IGF1R: variants seen among roughly 807,000 people sequenced by gnomAD.
IGF1R encodes the protein insulin like growth factor 1 receptor.
Under a neutral mutation model 144.6 loss-of-function variants are expected in IGF1R, and 44 were observed. That is an observed-to-expected ratio of 0.30 (90% confidence interval 0.24 to 0.39). IGF1R has a LOEUF of 0.39. Ranked by LOEUF, IGF1R falls within the 10% of genes least tolerant of loss-of-function variation. The pLI is 1.00. For missense variants in IGF1R, 1,355 were observed against 1,833.7 expected, an observed-to-expected ratio of 0.74 and a Z score of 4.77; for synonymous variants, 795 against 722.8, an observed-to-expected ratio of 1.10 and a Z score of -1.60.
chr15:98,899,930 G>A (rs1319155415), intron 5 of IGF1R, among the ~76,000 whole-genome samples: 2 of 152,180 alleles, frequency 1.3e-5, no homozygotes, highest in Non-Finnish European at 2.9e-5. Flanking sequence ...TTTCTGCCAA[G>A]AATGACAGCA....
At chr15:98,772,835 C>T (rs1034683335) in intron 2 of IGF1R, among the ~76,000 whole-genome samples, 2 of 151,668 alleles carry the variant, frequency 1.3e-5, no homozygotes, top group East Asian at 3.9e-4. Flanking sequence ...GATGATATTA[C>T]GATGTTTGTT....
At chr15:98,953,335 G>C (rs750763560) in intron 20 of IGF1R, among the ~76,000 whole-genome samples, 7 of 152,222 alleles carry the variant, frequency 4.6e-5, no homozygotes, top group Non-Finnish European at 7.3e-5. Context: ...CCATGACTCA[G>C]TGTGAATTAA....
At chr15:98,899,396 C>G in intron 4 of IGF1R, 81 bp from the exon 5 acceptor site, 1 of 1,450,246 alleles carries the variant, frequency 6.9e-7, no homozygotes, top group Non-Finnish European at 9.7e-7. Context: ...TTGAATTGTT[C>G]TCACTTGTGT....
Position 98,963,507 on chromosome 15 carries a change from T to C in IGF1R, c.*6065T>C, listed in dbSNP as rs2017308070. 1 of 233,196 alleles carries C rather than the reference T, an allele frequency of 4.3e-6. No individual in the cohort carries two copies. Among genetic ancestry groups the C allele is most frequent in the South Asian group, 1.8e-4 (1 of 5,520 alleles). The allele number at this position is 233,196 out of a possible 1,614,324, so 14.4% of individuals were successfully genotyped here. On this transcript the variant is annotated 3_prime_UTR_variant, in exon 21 of 21. Transcript: ENST00000650285. ...TCATTGGCCATGGAAACAGCCGAGG[T>C]GTTGGAGCCCAGCAGTGCATGGCAC...
intron 2 of IGF1R, among the ~76,000 whole-genome samples, chr15:98,762,315 G>A (rs1344081716): frequency 6.9e-6 from 1 of 145,918 alleles, no homozygotes; most frequent in Non-Finnish European, 1.5e-5. Context: ...ATAGCCCATC[G>A]CAGCCTCAAA....
chr15:98,827,727 C>A (rs139024477), intron 2 of IGF1R, among the ~76,000 whole-genome samples: 4 of 152,114 alleles, frequency 2.6e-5, no homozygotes, highest in African/African-American at 9.7e-5. Context: ...GGATTACATG[C>A]GCACGCCACC....
intron 5 of IGF1R, among the ~76,000 whole-genome samples, chr15:98,906,722 T>G (rs2151667266): frequency 6.6e-6 from 1 of 152,356 alleles, no homozygotes; most frequent in African/African-American, 2.4e-5. Flanking sequence ...AGGATAGCTG[T>G]GTGTTCAGGA....
chr15:98,675,743 G>A (rs563066713), intron 1 of IGF1R, among the ~76,000 whole-genome samples: 1 of 150,902 alleles, frequency 6.6e-6, no homozygotes, highest in Non-Finnish European at 1.5e-5. Context: ...TCCTGTTGAC[G>A]ATTTAGTTTC....
chr15:98,669,779 C>G (rs542909020), intron 1 of IGF1R, among the ~76,000 whole-genome samples: 2 of 152,318 alleles, frequency 1.3e-5, no homozygotes, highest in Non-Finnish European at 2.9e-5. Context: ...CTTCCCGTGC[C>G]GAACCTGGCC....
intron 2 of IGF1R, 110 bp downstream of exon 2, chr15:98,708,217 G>A (rs925529306): frequency 9.3e-5 from 91 of 974,006 alleles, no homozygotes; most frequent in African/African-American, 8.9e-4. Flanking sequence ...GGGTGCAGTC[G>A]TGTTGCATTT....
In IGF1R at chr15:98,867,021, G is replaced by T. The variant is rs548025013; in HGVS notation, c.641-24304G>T. Among the ~76,000 whole-genome samples, 8 of 152,144 alleles carry T rather than the reference G, an allele frequency of 5.3e-5. 1 individual carries two copies. In the South Asian group the frequency reaches 1.5e-3, roughly 28 times the overall value. On this transcript the variant is annotated intron_variant, in intron 2 of 20. Coordinates refer to ENST00000650285, the MANE Select transcript of IGF1R (RefSeq NM_000875.5). ...GAGCAGTGAAGCTGTTCTTCAGCCC[G>T]CCTCTCCATTTGTGACTGGAAGACA... is the stretch of plus-strand genomic sequence containing the variant.
intron 2 of IGF1R, among the ~76,000 whole-genome samples, chr15:98,777,923 G>A (rs1231084255): frequency 6.6e-6 from 1 of 152,212 alleles, no homozygotes; most frequent in East Asian, 1.9e-4. Context: ...GGAAGTAGGG[G>A]AGAAGAAAGT....
At chr15:98,667,382 G>T (rs186885693) in intron 1 of IGF1R, among the ~76,000 whole-genome samples, 27 of 152,234 alleles carry the variant, frequency 1.8e-4, no homozygotes, top group African/African-American at 5.5e-4. Flanking sequence ...CATTACAGAG[G>T]GGGGAGCCCT....
chr15:98,724,184 G>T (rs2054308530), intron 2 of IGF1R, among the ~76,000 whole-genome samples: 1 of 152,138 alleles, frequency 6.6e-6, no homozygotes, highest in Admixed American at 6.5e-5. Context: ...TTTTTCTATT[G>T]TGTGCCACCC....
intron 2 of IGF1R, among the ~76,000 whole-genome samples, chr15:98,861,555 A>C (rs2012160004): frequency 6.6e-6 from 1 of 152,214 alleles, no homozygotes; most frequent in Non-Finnish European, 1.5e-5. Flanking sequence ...CAGCCTTTGC[A>C]AGCAAAACTT....
chr15:98,731,435 G>C (rs570114619), intron 2 of IGF1R, among the ~76,000 whole-genome samples: 1 of 152,130 alleles, frequency 6.6e-6, no homozygotes, highest in Non-Finnish European at 1.5e-5. Flanking sequence ...ATATGACTTT[G>C]GTTCATTCTC....
rs556282869 is a variant in IGF1R, at chr15:98,655,974, CG to C, written c.94+6300del. On this transcript the variant is annotated intron_variant, in intron 1 of 20. Transcript: ENST00000650285. Reference sequence around the variant, plus strand: ...TCCCGGAGGGCTGGGATCACAGGTGCGAGCCACCGCCCCCAGCCTACAAGAA... The same window carrying C: ...TCCCGGAGGGCTGGGATCACAGGTGCAGCCACCGCCCCCAGCCTACAAGAA... Among the ~76,000 whole-genome samples, 524 of 152,314 alleles carry C rather than the reference CG, an allele frequency of 3.4e-3. 6 individuals are homozygous for C. Among genetic ancestry groups the C allele is most frequent in the African/African-American group, 0.012 (507 of 41,560 alleles).
At position 98,649,510 on chromosome 15, in the gene IGF1R, T is replaced by TC; in HGVS notation, c.-72_-71insC. 3 of 1,042,756 alleles carry TC rather than the reference T, an allele frequency of 2.9e-6. No individual in the cohort carries two copies. The highest frequency in any genetic ancestry group is 4.3e-6 in the Non-Finnish European group (3 of 704,028). 64.6% of individuals were successfully genotyped at this position (1,042,756 alleles called of 1,614,324 possible). A position where few individuals can be genotyped will look rare whatever the true frequency, so the allele number is the denominator to read the frequency against. On this transcript the variant is annotated 5_prime_UTR_variant, in exon 1 of 21. Coordinates refer to ENST00000650285, the MANE Select transcript of IGF1R (RefSeq NM_000875.5). ...GAGACTTGTTTCCTTTCATTTCCTT[T>TC]TTTTCTTTTCTTTTCTTTTTTTTTT...
chr15:98,905,516 T>G (rs1195005913), intron 5 of IGF1R, among the ~76,000 whole-genome samples: 10 of 151,090 alleles, frequency 6.6e-5, no homozygotes, highest in Admixed American at 6.6e-4. Flanking sequence ...AAAGAAAAAT[T>G]AACCAAGCAT....
Sources: allele counts gnomAD v4.1 joint callset (sites outside exome capture counted in the v4.1 genomes callset), GRCh38; gene constraint gnomAD v4.1.1; transcripts MANE v1.5; gene names NCBI Gene and HGNC (gene_info 2026-07-23, HGNC 2026-07-21).